C19orf73: variants seen among roughly 807,000 people sequenced by gnomAD.
C19orf73 encodes chromosome 19 open reading frame 73, also known as putative uncharacterized protein C19orf73.
For missense variants in C19orf73, 211 were observed against 177.6 expected (o/e 1.19, Z -1.07); for synonymous variants, 86 against 79.1 (o/e 1.09, Z -0.46).
chr19:49,118,915 G>T lies in C19orf73; in HGVS notation c.108C>A (p.Pro36=). The change falls in exon 1 of 1, where the codon CCC becomes CCA. Residue 36 remains proline (P), a synonymous_variant. Coordinates refer to ENST00000408991, the MANE Select transcript of C19orf73 (RefSeq NM_018111.3). ...CGTGCAGTTCCCGAGGCGGGCGCAG[G>T]GGTGCAGAATGAGGTGCCCTCGCCC... The part of the protein sequence containing the change: ...ARWARAPHSA[P]LRPPRELHAA... 1 of 1,613,496 alleles carries T rather than the reference G, an allele frequency of 6.2e-7. No homozygotes were observed. The highest frequency in any genetic ancestry group is 8.5e-7 in the Non-Finnish European group (1 of 1,179,692).
At chr19:49,118,734 G>GAAGGCCAA in the C19orf73 span, 1 of 1,614,230 alleles carries the variant, frequency 6.2e-7, no homozygotes, top group South Asian at 1.1e-5. Context: ...GTCTGAGGGC[G>GAAGGCCAA]AAGGCCAAGT....
chr19:49,118,670 C>G lies in C19orf73; in HGVS notation c.353G>C (p.Arg118Thr). ...CGGAGGGCGGAGGCAGGGACCCAGT[C>G]TGGGTCTGAGTGCTGGGGCAGAACT... ...VLSSAPALRP[R>T]LGPCLRPPPS... Residue 118 changes from arginine to threonine, a missense_variant, in exon 1 of 1, where the codon AGA becomes ACA. Physicochemically the swap from Arg to Thr is moderately conservative, Grantham distance 71. Transcript: ENST00000408991. 6.2e-7 allele frequency: 1 copy of G among 1,613,482 alleles called. No homozygotes were observed. Among genetic ancestry groups the G allele is most frequent in the South Asian group, 1.1e-5 (1 of 91,060 alleles).
In C19orf73 at chr19:49,119,083, G is replaced by C. The variant is rs780700128; in HGVS notation, c.-61C>G. On this transcript the variant is annotated 5_prime_UTR_variant, in exon 1 of 1. Coordinates refer to ENST00000408991, the MANE Select transcript of C19orf73 (RefSeq NM_018111.3). ...GCGAGGGCTAGTGCGCGCCACTGCCGGGAGCCGGGGTCGCGACTCGCGTTC... is the reference window on the plus strand; with the variant it reads ...GCGAGGGCTAGTGCGCGCCACTGCCCGGAGCCGGGGTCGCGACTCGCGTTC... 2 of 1,601,304 alleles carry C rather than the reference G, an allele frequency of 1.2e-6. No homozygotes were observed. Among genetic ancestry groups the C allele is most frequent in the Middle Eastern group, 1.7e-4 (1 of 5,958 alleles).
In C19orf73 at chr19:49,118,902, G is replaced by T. The variant is rs779532261; in HGVS notation, c.121C>A (p.Arg41=). The T allele has an allele frequency of 8.7e-6, 14 of 1,613,114 alleles. 1 individual carries two copies. In the South Asian group the frequency reaches 1.4e-4, roughly 16 times the overall value. Reference sequence around the variant, plus strand: ...GGTGGGGGTGCCGCGTGCAGTTCCCGAGGCGGGCGCAGGGGTGCAGAATGA... The same window carrying T: ...GGTGGGGGTGCCGCGTGCAGTTCCCTAGGCGGGCGCAGGGGTGCAGAATGA... The part of the protein sequence containing the change: ...APHSAPLRPP[R]ELHAAPPPAT... The change falls in exon 1 of 1, where the codon CGG becomes AGG. Residue 41 remains arginine, a synonymous_variant. Transcript: ENST00000408991.
At position 49,119,038 on chromosome 19, in the gene C19orf73, G is replaced by A. The variant is rs1457310513; in HGVS notation, c.-16C>T. 2 of 1,613,094 alleles carry A rather than the reference G, an allele frequency of 1.2e-6. No homozygotes were observed. The highest frequency in any genetic ancestry group is 2.2e-5 in the East Asian group (1 of 44,870). ...TTAGCCTCATCCCGCTGCCCGCCCAGCCCTCGTGTCCCGTGCGGCGCGAGG... is the reference window on the plus strand; with the variant it reads ...TTAGCCTCATCCCGCTGCCCGCCCAACCCTCGTGTCCCGTGCGGCGCGAGG... On this transcript the variant is annotated 5_prime_UTR_variant, in exon 1 of 1. Coordinates refer to ENST00000408991, the MANE Select transcript of C19orf73 (RefSeq NM_018111.3).
Position 49,118,598 on chromosome 19 carries a change from G to A in C19orf73, c.*35C>T, listed in dbSNP as rs775710852. On this transcript the variant is annotated 3_prime_UTR_variant, in exon 1 of 1. Transcript: ENST00000408991. The stretch of plus-strand genomic sequence containing the variant: ...GAACAGAGGTTAAGACCTCTCCCTA[G>A]GTCTGAAGGCGGAGACAGGCCGGCT... 6.3e-6 allele frequency: 10 copies of A among 1,589,978 alleles called. No homozygotes were observed. The South Asian group carries it at 1.0e-4, about 16-fold the overall frequency.
chr19:49,118,883 G>A lies in C19orf73; in HGVS notation c.140C>T (p.Pro47Leu). ...TGTCTGCGTGGGAGTCGCGGGTGGG[G>A]GTGCCGCGTGCAGTTCCCGAGGCGG... ...LRPPRELHAA[P>L]PPATPTQTVV... Residue 47 changes from proline (P) to leucine (L), a missense_variant, in exon 1 of 1, where the codon CCC becomes CTC. Transcript: ENST00000408991. 1.2e-6 allele frequency: 2 copies of A among 1,612,990 alleles called. No individual in the cohort carries two copies. The highest frequency in any genetic ancestry group is 1.7e-6 in the Non-Finnish European group (2 of 1,179,406).
rs2040884269 is a variant in C19orf73 at position 49,118,889 on chromosome 19, G to A, written c.134C>T (p.Ala45Val). 1.2e-6 allele frequency: 2 copies of A among 1,613,010 alleles called. No individual in the cohort carries two copies. Among genetic ancestry groups the A allele is most frequent in the East Asian group, 2.2e-5 (1 of 44,874 alleles). ...CGTGGGAGTCGCGGGTGGGGGTGCCGCGTGCAGTTCCCGAGGCGGGCGCAG... is the reference window on the plus strand; with the variant it reads ...CGTGGGAGTCGCGGGTGGGGGTGCCACGTGCAGTTCCCGAGGCGGGCGCAG... ...APLRPPRELH[A>V]APPPATPTQT... Residue 45 changes from alanine to valine, a missense_variant, in exon 1 of 1, where the codon GCG becomes GTG. Coordinates refer to ENST00000408991, the MANE Select transcript of C19orf73 (RefSeq NM_018111.3).
chr19:49,118,491 T>C lies in C19orf73; in HGVS notation c.*142A>G, dbSNP rs374646302. The C allele has an allele frequency of 1.4e-5, 22 of 1,565,278 alleles. 1 individual carries two copies. The African/African-American group carries it at 1.8e-4, about 13-fold the overall frequency. ...TGTCTGTGTGTCTGTCCTGCATCCC[T>C]GGGTTGGTGTCTTGAGATGTGGAGG... is the stretch of plus-strand genomic sequence containing the variant. On this transcript the variant is annotated 3_prime_UTR_variant, in exon 1 of 1. Coordinates refer to ENST00000408991, the MANE Select transcript of C19orf73 (RefSeq NM_018111.3).
Position 49,118,486 on chromosome 19 carries a change from A to G in C19orf73, c.*147T>C, listed in dbSNP as rs2040875347. On this transcript the variant is annotated 3_prime_UTR_variant, in exon 1 of 1. Coordinates refer to ENST00000408991, the MANE Select transcript of C19orf73 (RefSeq NM_018111.3). ...CTGAGTGTCTGTGTGTCTGTCCTGC[A>G]TCCCTGGGTTGGTGTCTTGAGATGT... 6 of 1,568,334 alleles carry G rather than the reference A, an allele frequency of 3.8e-6. No homozygotes were observed. The South Asian group carries it at 6.7e-5, about 17-fold the overall frequency.
chr19:49,118,434 A>G lies in C19orf73; in HGVS notation c.*199T>C, dbSNP rs1600312928. The G allele has an allele frequency of 5.6e-6, 9 of 1,599,506 alleles. No individual in the cohort carries two copies. The East Asian group carries it at 2.0e-4, about 36-fold the overall frequency. On this transcript the variant is annotated 3_prime_UTR_variant, in exon 1 of 1. Transcript: ENST00000408991. ...CTGTACAGTATTTATTGTTCCTGGC[A>G]CTTTATTTAAAGATATTTGACCCTC... is the stretch of plus-strand genomic sequence containing the variant.
chr19:49,118,514 A>G lies in C19orf73; in HGVS notation c.*119T>C, dbSNP rs2040875686. On this transcript the variant is annotated 3_prime_UTR_variant, in exon 1 of 1. Transcript: ENST00000408991. The stretch of plus-strand genomic sequence containing the variant: ...CCTGGGTTGGTGTCTTGAGATGTGG[A>G]GGGAATGCGAGGAGCTGAGGTCAGG... 6.4e-7 allele frequency: 1 copy of G among 1,564,768 alleles called. No individual in the cohort carries two copies. Among genetic ancestry groups the G allele is most frequent in the Admixed American group, 1.7e-5 (1 of 58,594 alleles).
Position 49,118,528 on chromosome 19 carries a change from G to A in C19orf73, c.*105C>T. 4 of 1,570,996 alleles carry A rather than the reference G, an allele frequency of 2.5e-6. No homozygotes were observed. Among genetic ancestry groups the A allele is most frequent in the South Asian group, 1.2e-5 (1 of 86,708 alleles). On this transcript the variant is annotated 3_prime_UTR_variant, in exon 1 of 1. Coordinates refer to ENST00000408991, the MANE Select transcript of C19orf73 (RefSeq NM_018111.3). ...TTGAGATGTGGAGGGAATGCGAGGA[G>A]CTGAGGTCAGGCCAAGCCGTTGAGA...
Position 49,118,751 on chromosome 19 carries a change from C to T in C19orf73, c.272G>A (p.Arg91Lys), listed in dbSNP as rs544072501. Residue 91 changes from arginine to lysine, a missense_variant, in exon 1 of 1, where the codon AGG (arginine) becomes AAG (lysine). Physicochemically the swap from Arg to Lys is conservative, Grantham distance 26 (BLOSUM62 2). Transcript: ENST00000408991. ...CTGAGGGCGAAGGCCAAGTCCCTTC[C>T]TCCAGAGTCCTGAAACGCAGCCGGA... ...TGSGCVSGLW[R>K]KGLGLRPQTL... 2.5e-6 allele frequency: 4 copies of T among 1,614,114 alleles called. No homozygotes were observed. Among genetic ancestry groups the T allele is most frequent in the South Asian group, 1.1e-5 (1 of 91,088 alleles).
chr19:49,118,656 G>A lies in C19orf73; in HGVS notation c.367C>T (p.Leu123Phe). The change falls in exon 1 of 1, where the codon CTC becomes TTC. Residue 123 changes from leucine to phenylalanine, a missense_variant. Leu to Phe is a conservative substitution (Grantham distance 22). Coordinates refer to ENST00000408991, the MANE Select transcript of C19orf73 (RefSeq NM_018111.3). ...PALRPRLGPC[L>F]RPPPSD ...GACTAGTCCGAGGGCGGAGGGCGGA[G>A]GCAGGGACCCAGTCTGGGTCTGAGT... The A allele has an allele frequency of 6.2e-7, 1 of 1,611,422 alleles. No homozygotes were observed. The highest frequency in any genetic ancestry group is 8.5e-7 in the Non-Finnish European group (1 of 1,178,084).
At position 49,118,438 on chromosome 19, in the gene C19orf73, T is replaced by C. The variant is rs1036901185; in HGVS notation, c.*195A>G. ...ACAGTATTTATTGTTCCTGGCACTT[T>C]ATTTAAAGATATTTGACCCTCACTG... On this transcript the variant is annotated 3_prime_UTR_variant, in exon 1 of 1. Coordinates refer to ENST00000408991, the MANE Select transcript of C19orf73 (RefSeq NM_018111.3). 3 of 1,592,276 alleles carry C rather than the reference T, an allele frequency of 1.9e-6. No homozygotes were observed. The highest frequency in any genetic ancestry group is 1.7e-5 in the Admixed American group (1 of 59,960).
In C19orf73 at chr19:49,119,096, G is replaced by A. The variant is rs950035795; in HGVS notation, c.-74C>T. 50 of 1,590,666 alleles carry A rather than the reference G, an allele frequency of 3.1e-5. No individual in the cohort carries two copies. In the Middle Eastern group the frequency reaches 1.5e-3, roughly 49 times the overall value. On this transcript the variant is annotated 5_prime_UTR_variant, in exon 1 of 1. Coordinates refer to ENST00000408991, the MANE Select transcript of C19orf73 (RefSeq NM_018111.3). The stretch of plus-strand genomic sequence containing the variant: ...CGCGCCACTGCCGGGAGCCGGGGTC[G>A]CGACTCGCGTTCCACGCCGCGCGCT...
Position 49,119,058 on chromosome 19 carries a change from G to A in C19orf73, c.-36C>T. ...GCCCAGCCCTCGTGTCCCGTGCGGC[G>A]CGAGGGCTAGTGCGCGCCACTGCCG... On this transcript the variant is annotated 5_prime_UTR_variant, in exon 1 of 1. Coordinates refer to ENST00000408991, the MANE Select transcript of C19orf73 (RefSeq NM_018111.3). 6.2e-7 allele frequency: 1 copy of A among 1,611,874 alleles called. No homozygotes were observed. Among genetic ancestry groups the A allele is most frequent in the Non-Finnish European group, 8.5e-7 (1 of 1,179,152 alleles).
chr19:49,118,715 C>T lies in C19orf73; in HGVS notation c.308G>A (p.Arg103Lys), dbSNP rs1417981313. ...GLGLRPQTLL[R>K]VGSVVLSSAP... is the part of the protein sequence containing the mutation. ...AGAACTGAGGACAACGCTGCCTACCCTTAAGAGCGTCTGAGGGCGAAGGCC... is the reference window on the plus strand; with the variant it reads ...AGAACTGAGGACAACGCTGCCTACCTTTAAGAGCGTCTGAGGGCGAAGGCC... Residue 103 changes from arginine to lysine, a missense_variant, in exon 1 of 1, where the codon AGG becomes AAG. Coordinates refer to ENST00000408991, the MANE Select transcript of C19orf73 (RefSeq NM_018111.3). 1 of 1,614,118 alleles carries T rather than the reference C, an allele frequency of 6.2e-7. No homozygotes were observed. The highest frequency in any genetic ancestry group is 8.5e-7 in the Non-Finnish European group (1 of 1,179,936).
Sources: allele counts gnomAD v4.1 joint callset, GRCh38; gene constraint gnomAD v4.1.1; transcripts MANE v1.5; gene names NCBI Gene and HGNC (gene_info 2026-07-23, HGNC 2026-07-21).